Variants in AFAP1L2 observed in about 807,000 individuals in gnomAD.
AFAP1L2 encodes the protein actin filament associated protein 1 like 2.
Under a neutral mutation model 99.3 loss-of-function variants are expected in AFAP1L2, and 46 were observed. That is an observed-to-expected ratio of 0.46 (90% CI 0.37 to 0.59). AFAP1L2 has a LOEUF of 0.59. Among genes scored for constraint, AFAP1L2 ranks in the 20% least tolerant of loss-of-function variants. The pLI is 0.00. For synonymous variants in AFAP1L2, 397 were observed against 419.1 expected, an observed-to-expected ratio of 0.95 and a Z score of 0.64; for missense variants, 959 against 1,034.9, an observed-to-expected ratio of 0.93 and a Z score of 1.01.
intron 2 of AFAP1L2, among the ~76,000 whole-genome samples, chr10:114,335,266 T>C (rs2047765250): frequency 6.6e-6 from 1 of 152,114 alleles, no homozygotes; most frequent in African/African-American, 2.4e-5. Flanking sequence ...TAAAGAAAAT[T>C]GTATTTGAGG....
the AFAP1L2 span, chr10:114,289,025 T>C: frequency 1.9e-6 from 3 of 1,614,050 alleles, no homozygotes; most frequent in South Asian, 3.3e-5. Context: ...ATGCAGAGCT[T>C]TGTGAGAAGC....
chr10:114,394,693 G>A (rs575687226), intron 1 of AFAP1L2, among the ~76,000 whole-genome samples: 12 of 152,306 alleles, frequency 7.9e-5, no homozygotes, highest in South Asian at 4.1e-4. Flanking sequence ...GAGCCTGTGC[G>A]TCCAAGAGGC....
At chr10:114,299,802 A>C (rs771831024) in intron 15 of AFAP1L2, among the ~76,000 whole-genome samples, 1 of 152,164 alleles carries the variant, frequency 6.6e-6, no homozygotes, top group Non-Finnish European at 1.5e-5. Context: ...ACATGGAAGG[A>C]CTTGACTTGC....
chr10:114,340,875 G>A, intron 1 of AFAP1L2, 144 bp from the exon 2 acceptor site: 1 of 1,130,370 alleles, frequency 8.8e-7, no homozygotes, highest in Non-Finnish European at 1.3e-6. Context: ...GGCAGCGTAT[G>A]GGGGGACTGG....
At chr10:114,286,489 G>GCTGTGCAGCC in the AFAP1L2 span, 7 of 1,585,118 alleles carry the variant, frequency 4.4e-6, no homozygotes, top group South Asian at 7.9e-5. Flanking sequence ...TGCAGGGGAA[G>GCTGTGCAGCC]CTGTGCAGCC....
chr10:114,286,971 C>T, the AFAP1L2 span, among the ~76,000 whole-genome samples: 179 of 152,310 alleles, frequency 1.2e-3, 1 homozygote, highest in African/African-American at 4.0e-3. Context: ...TGCATGCACA[C>T]GCGCTGGTGC....
chr10:114,354,617 A>T (rs998552111), intron 1 of AFAP1L2, among the ~76,000 whole-genome samples: 6 of 152,178 alleles, frequency 3.9e-5, no homozygotes, highest in Non-Finnish European at 8.8e-5. Context: ...CAAGACTGTT[A>T]TCTGGGATTT....
intron 6 of AFAP1L2, among the ~76,000 whole-genome samples, chr10:114,314,674 T>A (rs1173830680): frequency 2.6e-5 from 4 of 152,172 alleles, no homozygotes; most frequent in Admixed American, 2.0e-4. Flanking sequence ...TTATAATAAT[T>A]CCGTGGAATT....
rs2047490993 is a variant in AFAP1L2 at position 114,333,315 on chromosome 10, C to A, written c.146-20G>T. ...CAGAGCCTGCAGAAGGAAGGAGACA[C>A]AGGCTTTGTGTGACTTCCTGAAGAG... On this transcript the variant is annotated intron_variant, in intron 2 of 18. Transcript: ENST00000304129. The A allele has an allele frequency of 2.5e-6, 4 of 1,606,088 alleles. No homozygotes were observed. The highest frequency in any genetic ancestry group is 3.4e-6 in the Non-Finnish European group (4 of 1,172,804).
chr10:114,304,951 G>T, intron 10 of AFAP1L2, 21 bp from the exon 11 acceptor site: 1 of 1,604,590 alleles, frequency 6.2e-7, no homozygotes, highest in East Asian at 2.2e-5. Context: ...AAGTGCAGAT[G>T]CAGGAGGGGA....
At position 114,297,255 on chromosome 10, in the gene AFAP1L2, C is replaced by A. The variant is rs779716466; in HGVS notation, c.2272G>T (p.Val758Leu). 21 of 1,613,814 alleles carry A rather than the reference C, an allele frequency of 1.3e-5. No individual in the cohort carries two copies. The highest frequency in any genetic ancestry group is 3.3e-5 in the Admixed American group (2 of 59,994). Residue 758 changes from valine (V) to leucine (L), a missense_variant, in exon 17 of 19, where the codon GTG becomes TTG. Around this residue, in one of 2 missense-constraint regions of AFAP1L2, gnomAD observed 576 missense variants for 562.1 expected, o/e 1.02. Coordinates refer to ENST00000304129, the MANE Select transcript of AFAP1L2 (RefSeq NM_001001936.3). Reference protein sequence around the residue: ...EAGPVTLGTTVDTTHLENVSP... With the variant: ...EAGPVTLGTTLDTTHLENVSP... ...ACATTCTCCAGGTGGGTGGTGTCCA[C>A]GGTGGTGCCTAACGTCACAGGCCCT...
chr10:114,307,740 C>T (rs535040812), intron 10 of AFAP1L2, 65 bp downstream of exon 10: 17 of 1,399,136 alleles, frequency 1.2e-5, no homozygotes, highest in South Asian at 2.3e-5. Flanking sequence ...TGTCTGAGCT[C>T]GCCTTCCTGC....
rs556129852 is a variant in AFAP1L2, at chr10:114,350,986, C to T, written c.17-10255G>A. Among the ~76,000 whole-genome samples the T allele has an allele frequency of 2.1e-4, 32 of 152,266 alleles. 1 individual carries two copies. The highest frequency in any genetic ancestry group is 7.7e-4 in the African/African-American group (32 of 41,564). ...AATCTACCAGAAGAGTGGCTTCATT[C>T]AGAGCCAGCGGGGGCCAGTTATGCG... is the stretch of plus-strand genomic sequence containing the variant. On this transcript the variant is annotated intron_variant, in intron 1 of 18. Transcript: ENST00000304129.
chr10:114,285,067 A>G, the AFAP1L2 span: 1 of 1,015,868 alleles, frequency 9.8e-7, no homozygotes, highest in Non-Finnish European at 1.4e-6. Context: ...CTGGGTAGAA[A>G]CTGGCCCTTG....
downstream of AFAP1L2, chr10:114,290,248 C>T (rs561719191): frequency 6.4e-7 from 1 of 1,550,466 alleles, no homozygotes; most frequent in African/African-American, 1.4e-5. Context: ...AGAAGCCAAG[C>T]AGCCAGTCAA....
At chr10:114,336,603 A>G (rs1246553180) in intron 2 of AFAP1L2, among the ~76,000 whole-genome samples, 1 of 151,804 alleles carries the variant, frequency 6.6e-6, no homozygotes, top group East Asian at 1.9e-4. Flanking sequence ...GGGAGGAGGA[A>G]CATGAACCTC....
intron 15 of AFAP1L2, 105 bp from the exon 16 acceptor site, chr10:114,299,520 G>A: frequency 2.8e-6 from 4 of 1,418,530 alleles, no homozygotes; most frequent in East Asian, 2.3e-5. Context: ...TTGGCACAAA[G>A]CCCTGCTAGG....
chr10:114,288,387 G>T, the AFAP1L2 span, among the ~76,000 whole-genome samples: 1 of 152,236 alleles, frequency 6.6e-6, no homozygotes, highest in African/African-American at 2.4e-5. Flanking sequence ...GGCCCATTTT[G>T]TCCATACAGC....
chr10:114,399,756 G>A (rs1244013378), intron 1 of AFAP1L2, among the ~76,000 whole-genome samples: 1 of 152,124 alleles, frequency 6.6e-6, no homozygotes, highest in Non-Finnish European at 1.5e-5. Flanking sequence ...GCTCTCAACA[G>A]GAAATTGGTT....
Sources: allele counts gnomAD v4.1 joint callset (sites outside exome capture counted in the v4.1 genomes callset), GRCh38; gene constraint gnomAD v4.1.1; regional missense constraint gnomAD v4.1.1; transcripts MANE v1.5; gene names NCBI Gene and HGNC (gene_info 2026-07-23, HGNC 2026-07-21).